SORCS1: variants seen among roughly 807,000 people sequenced by gnomAD.
SORCS1 encodes the protein sortilin related VPS10 domain containing receptor 1, also known as VPS10 domain-containing receptor SorCS1.
In SORCS1, 60 loss-of-function variants were observed where a neutral mutation model predicts 146.1. That is an observed-to-expected ratio of 0.41 (90% CI 0.33 to 0.51). The LOEUF is 0.51. Ranked by LOEUF, SORCS1 falls within the 20% of genes least tolerant of loss-of-function variation. The pLI, the probability that SORCS1 is intolerant of heterozygous loss-of-function variation, is 0.21. For synonymous variants in SORCS1, 637 were observed against 584.0 expected, an observed-to-expected ratio of 1.09 and a Z score of -1.31; for missense variants, 1,352 against 1,487.6, an observed-to-expected ratio of 0.91 and a Z score of 1.50.
At chr10:106,607,444 T>C (rs1846682205) in intron 22 of SORCS1, 147 bp from the exon 23 acceptor site, 1 of 1,099,354 alleles carries the variant, frequency 9.1e-7, no homozygotes, top group African/African-American at 1.6e-5. Flanking sequence ...GCAGGGAGTA[T>C]GTGAGAGACA....
At chr10:106,606,898 C>T (rs1447323085) in intron 23 of SORCS1, among the ~76,000 whole-genome samples, 1 of 152,206 alleles carries the variant, frequency 6.6e-6, no homozygotes, top group Non-Finnish European at 1.5e-5. Context: ...GCTTCCCCTT[C>T]CGCCATGATT....
rs1006972121 is a variant in SORCS1 at position 107,164,601 on chromosome 10, G to A, written c.-75C>T. The A allele has an allele frequency of 2.7e-5, 33 of 1,213,700 alleles. No individual in the cohort carries two copies. The highest frequency in any genetic ancestry group is 3.4e-5 in the Non-Finnish European group (32 of 951,288). The allele number at this position is 1,213,700 out of a possible 1,614,324, so 75.2% of individuals were successfully genotyped here. A position where few individuals can be genotyped will look rare whatever the true frequency, so the allele number is the denominator to read the frequency against. On this transcript the variant is annotated 5_prime_UTR_variant, in exon 1 of 26. Coordinates refer to ENST00000263054, the MANE Select transcript of SORCS1 (RefSeq NM_052918.5). This position sits in a 1 kb window ranked among gnomAD's most constrained non-coding sequence, Gnocchi z 6.8. ...GCACGAGCTCTGCGCTGGCGGCTGT[G>A]GGGGGCCGGCGCTCAGGACCCCAAC...
At chr10:106,699,473 C>A in intron 8 of SORCS1, 80 bp from the exon 9 acceptor site, 2 of 1,292,146 alleles carry the variant, frequency 1.5e-6, no homozygotes, top group Non-Finnish European at 2.1e-6. Context: ...AGTGTGGAAT[C>A]AAATGAGGAA....
intron 6 of SORCS1, among the ~76,000 whole-genome samples, chr10:106,709,786 T>C (rs1312529000): frequency 6.6e-6 from 1 of 152,190 alleles, no homozygotes; most frequent in Non-Finnish European, 1.5e-5. Context: ...ACAGTCTTTG[T>C]TAAATACGTT....
At chr10:106,988,988 C>T (rs1317314921) in intron 1 of SORCS1, among the ~76,000 whole-genome samples, 45 of 151,544 alleles carry the variant, frequency 3.0e-4, no homozygotes, top group Admixed American at 2.8e-3. Context: ...CTCCCAGGCA[C>T]GGTGGCTCAC....
intron 17 of SORCS1, among the ~76,000 whole-genome samples, chr10:106,656,752 T>C (rs1455235681): frequency 3.3e-5 from 5 of 152,078 alleles, no homozygotes. Flanking sequence ...AGTAGCTTAG[T>C]AGATCTCAAC....
At chr10:106,815,619 T>G (rs1189481968) in intron 3 of SORCS1, among the ~76,000 whole-genome samples, 1 of 152,156 alleles carries the variant, frequency 6.6e-6, no homozygotes, top group Non-Finnish European at 1.5e-5. Flanking sequence ...GGCCTCCTAC[T>G]CATCATATTA....
intron 2 of SORCS1, among the ~76,000 whole-genome samples, chr10:106,876,437 C>A (rs1407766393): frequency 2.6e-5 from 4 of 152,132 alleles, no homozygotes; most frequent in African/African-American, 9.7e-5. Context: ...TCCTCTGATA[C>A]CTAACCTTAG....
intron 3 of SORCS1, among the ~76,000 whole-genome samples, chr10:106,812,831 T>G (rs1947538601): frequency 6.6e-6 from 1 of 152,154 alleles, no homozygotes; most frequent in Non-Finnish European, 1.5e-5. Flanking sequence ...AGCAAGTACC[T>G]ACAGATTTAA....
chr10:107,077,048 A>G (rs1962946897), intron 1 of SORCS1, among the ~76,000 whole-genome samples: 1 of 152,144 alleles, frequency 6.6e-6, no homozygotes, highest in Admixed American at 6.6e-5. Context: ...TCTACCTCGG[A>G]GGGATCTGCT....
chr10:106,883,051 T>C (rs1046950107), intron 2 of SORCS1, among the ~76,000 whole-genome samples: 1 of 152,008 alleles, frequency 6.6e-6, no homozygotes, highest in Non-Finnish European at 1.5e-5. Flanking sequence ...CTAGAAGAGG[T>C]TCTACAGAAG....
intron 1 of SORCS1, among the ~76,000 whole-genome samples, chr10:106,973,208 C>T (rs1773083703): frequency 6.6e-6 from 1 of 152,188 alleles, no homozygotes; most frequent in Admixed American, 6.5e-5. Flanking sequence ...AAAATCACTC[C>T]AATGTCCCCA....
intron 18 of SORCS1, among the ~76,000 whole-genome samples, chr10:106,630,760 T>C (rs1848395285): frequency 6.6e-6 from 1 of 152,178 alleles, no homozygotes. Context: ...CAATTGTCCC[T>C]TTAAAGCTTA....
chr10:107,001,915 T>C (rs988501915), intron 1 of SORCS1, among the ~76,000 whole-genome samples: 2 of 152,264 alleles, frequency 1.3e-5, no homozygotes, highest in Non-Finnish European at 2.9e-5. Context: ...GAGATTTGAA[T>C]TGAAAGAGAA....
In SORCS1 at chr10:106,966,707, T is replaced by C. The variant is rs542221897; in HGVS notation, c.559-10127A>G. On this transcript the variant is annotated intron_variant, in intron 1 of 25. Coordinates refer to ENST00000263054, the MANE Select transcript of SORCS1 (RefSeq NM_052918.5). ...AACTTTTTGTAAATTTGCTATACCC[T>C]CCTGACTCTGTTTCTCCACAGAGCC... Among the ~76,000 whole-genome samples, 3 of 152,232 alleles carry C rather than the reference T, an allele frequency of 2.0e-5. No homozygotes were observed. In the East Asian group the frequency reaches 5.8e-4, roughly 29 times the overall value.
chr10:106,964,373 A>T (rs1047613131), intron 1 of SORCS1, among the ~76,000 whole-genome samples: 10 of 152,236 alleles, frequency 6.6e-5, no homozygotes, highest in African/African-American at 2.4e-4. Context: ...ATGCACTCAT[A>T]GCTCACTGCA....
At chr10:106,825,782 G>A (rs1478559322) in intron 3 of SORCS1, among the ~76,000 whole-genome samples, 1 of 152,110 alleles carries the variant, frequency 6.6e-6, no homozygotes, top group Admixed American at 6.6e-5. Context: ...GTGACAGATA[G>A]CCAGCCTGCC....
intron 3 of SORCS1, among the ~76,000 whole-genome samples, chr10:106,809,735 T>C (rs759360304): frequency 4.6e-5 from 7 of 152,218 alleles, no homozygotes. Context: ...CCTGGCTCTC[T>C]ATTAAAGTGA....
chr10:106,582,702 A>G (rs1844993550), intron 24 of SORCS1, among the ~76,000 whole-genome samples: 1 of 151,946 alleles, frequency 6.6e-6, no homozygotes, highest in Admixed American at 6.6e-5. Flanking sequence ...GTTTTTTGCC[A>G]TTATTCATGC....
Sources: allele counts gnomAD v4.1 joint callset (sites outside exome capture counted in the v4.1 genomes callset), GRCh38; gene constraint gnomAD v4.1.1; non-coding constraint Gnocchi (gnomAD v3.1); transcripts MANE v1.5; gene names NCBI Gene and HGNC (gene_info 2026-07-23, HGNC 2026-07-21).